Variants in SUGP1 observed in about 807,000 individuals in gnomAD.
SUGP1 encodes the protein SURP and G-patch domain-containing protein 1.
SUGP1 carries 34 observed loss-of-function variants against 76.5 expected under a neutral mutation model. That is an observed-to-expected ratio of 0.44 (90% CI 0.34 to 0.59). SUGP1 has a LOEUF of 0.59. SUGP1 is among the 20% of genes least tolerant of loss of function. The pLI is 0.01. For missense variants in SUGP1, 752 were observed against 851.7 expected, an observed-to-expected ratio of 0.88 and a Z score of 1.46; for synonymous variants, 326 against 326.2, an observed-to-expected ratio of 1.00 and a Z score of 0.01.
At chr19:19,314,137 A>C (rs1454281238) in intron 2 of SUGP1, among the ~76,000 whole-genome samples, 1 of 139,570 alleles carries the variant, frequency 7.2e-6, no homozygotes, top group Non-Finnish European at 1.5e-5. Context: ...ACTCTGTCTC[A>C]AAAAATAAAA....
chr19:19,310,945 T>C (rs2061348530), intron 2 of SUGP1, among the ~76,000 whole-genome samples: 1 of 152,084 alleles, frequency 6.6e-6, no homozygotes, highest in Admixed American at 6.6e-5. Flanking sequence ...ACCTGACCTA[T>C]TTATTTAAGA....
At chr19:19,304,416 C>T (rs2061299530) in intron 4 of SUGP1, among the ~76,000 whole-genome samples, 1 of 152,118 alleles carries the variant, frequency 6.6e-6, no homozygotes, top group Admixed American at 6.5e-5. Context: ...TCATCTCATA[C>T]ACTTCCTGCC....
intron 8 of SUGP1, among the ~76,000 whole-genome samples, chr19:19,295,327 G>A (rs533697361): frequency 3.3e-5 from 5 of 151,946 alleles, no homozygotes; most frequent in East Asian, 3.9e-4. Flanking sequence ...GAGGTGGGCC[G>A]GGAGCGGTGG....
chr19:19,277,942 A>C lies in SUGP1; in HGVS notation c.1636-63T>G, dbSNP rs1478676579. 8.8e-6 allele frequency: 14 copies of C among 1,591,144 alleles called. No homozygotes were observed. In the East Asian group the frequency reaches 3.1e-4, roughly 36 times the overall value. ...GGGGCTGTGGTGGCCCCCAAATCCA[A>C]CCTTCTGCCTTTGGTTTCAATCAGT... On this transcript the variant is annotated intron_variant, in intron 11 of 13. Coordinates refer to ENST00000247001, the MANE Select transcript of SUGP1 (RefSeq NM_172231.4).
At chr19:19,308,708 G>A (rs2061333692) in intron 3 of SUGP1, among the ~76,000 whole-genome samples, 1 of 152,244 alleles carries the variant, frequency 6.6e-6, no homozygotes, top group African/African-American at 2.4e-5. Flanking sequence ...GGTTCAAGCT[G>A]ACCCAGCTTG....
chr19:19,278,730 T>C lies in SUGP1; in HGVS notation c.1595A>G (p.Asp532Gly). Residue 532 changes from aspartate (D) to glycine (G), a missense_variant, in exon 11 of 14, where the codon GAC (aspartate) becomes GGC (glycine). Asp to Gly is a moderately conservative substitution (Grantham distance 94, BLOSUM62 -1). Around this residue, in one of 2 missense-constraint regions of SUGP1, gnomAD observed 132 missense variants for 234.4 expected, o/e 0.56. Transcript: ENST00000247001. ...KHFIGDFLPP[D>G]ELEKFMETFK... is the part of the protein sequence containing the mutation. ...GGTCTCCATAAACTTTTCCAGCTCG[T>C]CTGGAGGCAGGAAGTCTCCGATGAA... 1.2e-6 allele frequency: 2 copies of C among 1,613,990 alleles called. No individual in the cohort carries two copies. Among genetic ancestry groups the C allele is most frequent in the Non-Finnish European group, 1.7e-6 (2 of 1,179,976 alleles).
chr19:19,311,172 A>C (rs1024639166), intron 2 of SUGP1, among the ~76,000 whole-genome samples: 11 of 151,814 alleles, frequency 7.2e-5, no homozygotes, highest in Admixed American at 6.6e-4. Flanking sequence ...GACTAAAGGC[A>C]TGTGACACTG....
At chr19:19,318,885 C>T (rs1029167985) in intron 1 of SUGP1, among the ~76,000 whole-genome samples, 12 of 152,146 alleles carry the variant, frequency 7.9e-5, no homozygotes, top group Non-Finnish European at 4.4e-5. Context: ...AGGGAAGACA[C>T]CTCAGAGGTT....
At chr19:19,280,503 C>T in intron 8 of SUGP1, 1 of 562,386 alleles carries the variant, frequency 1.8e-6, no homozygotes, top group Non-Finnish European at 3.2e-6. Context: ...TCCTTGTGAC[C>T]TCTCCAGCCA....
At position 19,303,400 on chromosome 19, in the gene SUGP1, C is replaced by T; in HGVS notation, c.711G>A (p.Lys237=). Residue 237 remains lysine, a synonymous_variant, in exon 6 of 14, where the codon AAG becomes AAA. Coordinates refer to ENST00000247001, the MANE Select transcript of SUGP1 (RefSeq NM_172231.4). The part of the protein sequence containing the change: ...NSREFLYYRK[K]VAEIRKEAQK... ...GTGCTTCCTTTCTTATCTCAGCCAC[C>T]TTCTTCCTGTAGTAGAGGAATTCCC... is the stretch of plus-strand genomic sequence containing the variant. The T allele has an allele frequency of 6.2e-7, 1 of 1,614,194 alleles. No homozygotes were observed. The highest frequency in any genetic ancestry group is 1.3e-5 in the African/African-American group (1 of 75,038).
At chr19:19,285,412 C>T (rs1205733143) in intron 8 of SUGP1, among the ~76,000 whole-genome samples, 1 of 152,042 alleles carries the variant, frequency 6.6e-6, no homozygotes, top group Admixed American at 6.6e-5. Flanking sequence ...AGTGATCCAC[C>T]CACACTGGCC....
chr19:19,286,290 T>C (rs773323127), intron 8 of SUGP1, among the ~76,000 whole-genome samples: 5 of 152,078 alleles, frequency 3.3e-5, no homozygotes, highest in Non-Finnish European at 5.9e-5. Context: ...AGCCTCTAGA[T>C]TGGGGGGTCG....
intron 8 of SUGP1, among the ~76,000 whole-genome samples, chr19:19,291,558 G>C (rs2061183399): frequency 6.6e-6 from 1 of 151,958 alleles, no homozygotes; most frequent in African/African-American, 2.4e-5. Context: ...AATCTGAATA[G>C]ACAAGTAAAT....
intron 8 of SUGP1, among the ~76,000 whole-genome samples, chr19:19,283,935 T>C (rs750449385): frequency 4.6e-5 from 7 of 152,226 alleles, no homozygotes; most frequent in Non-Finnish European, 1.0e-4. Context: ...GGTACTACTG[T>C]AATCATTTTG....
At chr19:19,318,799 C>CTGTT (rs1029142946) in intron 1 of SUGP1, among the ~76,000 whole-genome samples, 18 of 152,122 alleles carry the variant, frequency 1.2e-4, no homozygotes, top group African/African-American at 4.3e-4. Flanking sequence ...AATCCACAGG[C>CTGTT]AACAAGACCA....
chr19:19,299,379 CT>C (rs879860375), intron 7 of SUGP1, among the ~76,000 whole-genome samples: 7 of 151,060 alleles, frequency 4.6e-5, no homozygotes, highest in Admixed American at 1.3e-4. Context: ...TTTTTTCTTC[CT>C]TTTTTTTTCT....
chr19:19,308,757 G>A (rs1377606283), intron 3 of SUGP1, among the ~76,000 whole-genome samples: 3 of 152,252 alleles, frequency 2.0e-5, no homozygotes, highest in Non-Finnish European at 4.4e-5. Flanking sequence ...TCACAAGTGT[G>A]GGGAAGGCTT....
At chr19:19,282,962 A>G (rs2061110815) in intron 8 of SUGP1, among the ~76,000 whole-genome samples, 1 of 151,962 alleles carries the variant, frequency 6.6e-6, no homozygotes, top group Non-Finnish European at 1.5e-5. Context: ...CTGTCGTCCC[A>G]GCTACTTGGG....
chr19:19,319,927 A>C (rs2061427474), intron 1 of SUGP1, among the ~76,000 whole-genome samples: 1 of 152,132 alleles, frequency 6.6e-6, no homozygotes, highest in African/African-American at 2.4e-5. Context: ...CGCCCAGCAC[A>C]CTGCTTGGCA....
Sources: allele counts gnomAD v4.1 joint callset (sites outside exome capture counted in the v4.1 genomes callset), GRCh38; gene constraint gnomAD v4.1.1; regional missense constraint gnomAD v4.1.1; transcripts MANE v1.5; gene names NCBI Gene and HGNC (gene_info 2026-07-23, HGNC 2026-07-21).